NSMCE2: variants seen among roughly 807,000 people sequenced by gnomAD.
NSMCE2 encodes E3 SUMO-protein ligase NSE2.
A neutral mutation model predicts 23.8 loss-of-function variants in NSMCE2; 24 were observed. The observed-to-expected ratio is 1.01, with a 90% confidence interval of 0.73 to 1.42. The LOEUF (loss-of-function observed/expected upper bound fraction) is 1.42. Among genes scored for constraint, NSMCE2 ranks in the 40% most tolerant of loss-of-function variants. The probability of loss-of-function intolerance (pLI) is 0.00; values close to 1 mark genes in which losing one functional copy is unlikely to be tolerated. For synonymous variants in NSMCE2, 92 were observed against 94.1 expected (o/e 0.98, Z 0.13); for missense variants, 284 against 296.5 (o/e 0.96, Z 0.31).
Position 125,236,349 on chromosome 8 carries a change from AG to A in NSMCE2, c.418+54095del, listed in dbSNP as rs568975125. The stretch of plus-strand genomic sequence containing the variant: ...TTTACAACAAAGGATTAAATGTAAA[AG>A]GACGAGTTGCAAAACTATATATATA... On this transcript the variant is annotated intron_variant, in intron 5 of 7. Transcript: ENST00000287437. Among the ~76,000 whole-genome samples, 42 of 149,442 alleles carry A rather than the reference AG, an allele frequency of 2.8e-4. 1 individual carries two copies. The South Asian group carries it at 9.1e-3, about 32-fold the overall frequency.
rs539603500 is a variant in NSMCE2 at position 125,257,725 on chromosome 8, G to A, written c.418+75469G>A. Among the ~76,000 whole-genome samples, 60 of 152,014 alleles carry A rather than the reference G, an allele frequency of 3.9e-4. 1 individual carries two copies. The highest frequency in any genetic ancestry group is 3.4e-3 in the Middle Eastern group (1 of 294). ...ATTTTTTTGTATTTTTAGTAGAAAC[G>A]GGGTTTCATTGTGTTAGCCAGGATG... On this transcript the variant is annotated intron_variant, in intron 5 of 7. Coordinates refer to ENST00000287437, the MANE Select transcript of NSMCE2 (RefSeq NM_173685.4).
intron 5 of NSMCE2, among the ~76,000 whole-genome samples, chr8:125,234,853 A>G (rs1251749390): frequency 1.3e-5 from 2 of 151,836 alleles, no homozygotes; most frequent in Non-Finnish European, 2.9e-5. Flanking sequence ...TCAAAACACA[A>G]CTCTTGTCCG....
chr8:125,111,566 G>A (rs1171682149), intron 3 of NSMCE2, among the ~76,000 whole-genome samples: 7 of 152,128 alleles, frequency 4.6e-5, no homozygotes, highest in Non-Finnish European at 8.8e-5. Flanking sequence ...TTGGGAGGCC[G>A]AGGCGGGCGG....
At chr8:125,193,004 T>G (rs6997418) in intron 5 of NSMCE2, among the ~76,000 whole-genome samples, 14,992 of 152,244 alleles carry the variant, frequency 0.098, 954 homozygotes, top group South Asian at 0.17. Flanking sequence ...TTATTTGTAA[T>G]TAATATATTA....
intron 7 of NSMCE2, among the ~76,000 whole-genome samples, chr8:125,358,774 G>A (rs1039532944): frequency 2.0e-5 from 3 of 152,072 alleles, no homozygotes; most frequent in African/African-American, 7.2e-5. Context: ...ACCTAGAATT[G>A]GAATTCCCCA....
intron 5 of NSMCE2, among the ~76,000 whole-genome samples, chr8:125,305,932 T>C (rs954202411): frequency 6.6e-6 from 1 of 152,178 alleles, no homozygotes; most frequent in African/African-American, 2.4e-5. Flanking sequence ...GGCTAAATGT[T>C]ATTTTAGGGT....
intron 5 of NSMCE2, among the ~76,000 whole-genome samples, chr8:125,207,151 CA>C (rs1218023037): frequency 6.6e-6 from 1 of 151,116 alleles, no homozygotes; most frequent in Non-Finnish European, 1.5e-5. Context: ...TGGAATTCAC[CA>C]GTTTTTTTTT....
At chr8:125,350,399 G>A (rs1381627557) in intron 5 of NSMCE2, among the ~76,000 whole-genome samples, 1 of 152,230 alleles carries the variant, frequency 6.6e-6, no homozygotes, top group African/African-American at 2.4e-5. Context: ...CCCAAAGACA[G>A]GAGGAGCTTG....
At chr8:125,193,246 A>G (rs904221344) in intron 5 of NSMCE2, among the ~76,000 whole-genome samples, 1 of 152,230 alleles carries the variant, frequency 6.6e-6, no homozygotes, top group Non-Finnish European at 1.5e-5. Flanking sequence ...CCAACTTATC[A>G]CGACAGACAT....
At chr8:125,273,069 C>G (rs79385103) in intron 5 of NSMCE2, among the ~76,000 whole-genome samples, 337 of 152,220 alleles carry the variant, frequency 2.2e-3, no homozygotes, top group African/African-American at 7.7e-3. Context: ...ACAGTTACTG[C>G]TTCATAAATG....
intron 4 of NSMCE2, among the ~76,000 whole-genome samples, chr8:125,163,754 G>T (rs1303872406): frequency 1.3e-5 from 2 of 152,196 alleles, no homozygotes; most frequent in African/African-American, 2.4e-5. Flanking sequence ...GGGAGTCCCT[G>T]TTAGCTCTTA....
intron 5 of NSMCE2, among the ~76,000 whole-genome samples, chr8:125,317,490 C>T (rs1829258036): frequency 6.6e-6 from 1 of 152,290 alleles, no homozygotes; most frequent in Admixed American, 6.5e-5. Context: ...CACCACCACA[C>T]CTGACCAAGA....
At chr8:125,245,566 A>C (rs188589260) in intron 5 of NSMCE2, among the ~76,000 whole-genome samples, 2 of 152,324 alleles carry the variant, frequency 1.3e-5, no homozygotes, top group East Asian at 3.9e-4. Flanking sequence ...TCGATAGCAT[A>C]AACATAAGTG....
rs554259739 is a variant in NSMCE2, at chr8:125,097,520, A to G, written c.-110-4531A>G. Among the ~76,000 whole-genome samples, 22 of 152,258 alleles carry G rather than the reference A, an allele frequency of 1.4e-4. 1 individual carries two copies. The highest frequency in any genetic ancestry group is 4.8e-4 in the African/African-American group (20 of 41,524). Reference sequence around the variant, plus strand: ...TCCTTCATCTGAACAGCTCTCCCTGATAATTTAGACCTTTCCAAATCCTGA... The same window carrying G: ...TCCTTCATCTGAACAGCTCTCCCTGGTAATTTAGACCTTTCCAAATCCTGA... On this transcript the variant is annotated intron_variant, in intron 1 of 7. Coordinates refer to ENST00000287437, the MANE Select transcript of NSMCE2 (RefSeq NM_173685.4).
rs565593006 is a variant in NSMCE2 at position 125,170,376 on chromosome 8, C to CTTTTTTTT, written c.265-11695_265-11688dup. Among the ~76,000 whole-genome samples the CTTTTTTTT allele has an allele frequency of 1.5e-3, 57 of 37,854 alleles. 10 individuals are homozygous for CTTTTTTTT. The highest frequency in any genetic ancestry group is 6.9e-3 in the East Asian group (5 of 726). The allele number at this position is 37,854 out of a possible 152,430, so 24.8% of individuals were successfully genotyped here. On this transcript the variant is annotated intron_variant, in intron 4 of 7. Coordinates refer to ENST00000287437, the MANE Select transcript of NSMCE2 (RefSeq NM_173685.4). ...CATCAATAAACCTTACTCTTTATTT[C>CTTTTTTTT]TTTTTTTTTTTTTTTTTTTTTTTTT...
rs537033139 is a variant in NSMCE2, at chr8:125,331,173, G to A, written c.419-26046G>A. Among the ~76,000 whole-genome samples the A allele has an allele frequency of 8.0e-3, 1,223 of 152,150 alleles. 9 individuals carry two copies. Among genetic ancestry groups the A allele is most frequent in the Non-Finnish European group, 0.012 (840 of 67,990 alleles). ...AAATTAGCCGGACTTGGTGGCAGGCGCCTGTAGTCCCAGCTACTCGGGAGG... is the reference window on the plus strand; with the variant it reads ...AAATTAGCCGGACTTGGTGGCAGGCACCTGTAGTCCCAGCTACTCGGGAGG... On this transcript the variant is annotated intron_variant, in intron 5 of 7. Transcript: ENST00000287437.
chr8:125,333,159 CT>C (rs34480931), intron 5 of NSMCE2, among the ~76,000 whole-genome samples: 66,206 of 149,120 alleles, frequency 0.44, 16,752 homozygotes, highest in East Asian at 0.55. Flanking sequence ...ATCTAGATTT[CT>C]TTTTTTTTTT....
At position 125,102,591 on chromosome 8, in the gene NSMCE2, C is replaced by T. The variant is rs1818250212; in HGVS notation, c.157+104C>T. On this transcript the variant is annotated intron_variant, in intron 3 of 7. Coordinates refer to ENST00000287437, the MANE Select transcript of NSMCE2 (RefSeq NM_173685.4). The stretch of plus-strand genomic sequence containing the variant: ...AGTATCCTTGGGGGAATGATTTAAC[C>T]CCTCTAGGCATCTGTTGTCTCATTT... The T allele has an allele frequency of 7.1e-6, 6 of 843,138 alleles. No homozygotes were observed. The Middle Eastern group carries it at 1.2e-3, about 174-fold the overall frequency. The allele number at this position is 843,138 out of a possible 1,614,324, so 52.2% of individuals were successfully genotyped here. A position where few individuals can be genotyped will look rare whatever the true frequency, so the allele number is the denominator to read the frequency against.
At chr8:125,297,349 C>T (rs963449645) in intron 5 of NSMCE2, among the ~76,000 whole-genome samples, 4 of 152,194 alleles carry the variant, frequency 2.6e-5, no homozygotes, top group Admixed American at 2.0e-4. Flanking sequence ...CTTTAATCTG[C>T]TCTACAAAGT....
Sources: allele counts gnomAD v4.1 joint callset (sites outside exome capture counted in the v4.1 genomes callset), GRCh38; gene constraint gnomAD v4.1.1; transcripts MANE v1.5; gene names NCBI Gene and HGNC (gene_info 2026-07-23, HGNC 2026-07-21).